Variants in SEMA5A observed in about 807,000 individuals in gnomAD.
The protein encoded by SEMA5A is semaphorin-5A.
A neutral mutation model predicts 135.5 loss-of-function variants in SEMA5A; 55 were observed. That is an observed-to-expected ratio of 0.41 (90% confidence interval 0.33 to 0.51). SEMA5A has a LOEUF of 0.51. Among genes scored for constraint, SEMA5A ranks in the 20% least tolerant of loss-of-function variants. The probability of loss-of-function intolerance (pLI) is 0.37; values close to 1 mark genes in which losing one functional copy is unlikely to be tolerated. For missense variants in SEMA5A, 1,290 were observed against 1,419.9 expected, an observed-to-expected ratio of 0.91 and a Z score of 1.47; for synonymous variants, 580 against 546.5, an observed-to-expected ratio of 1.06 and a Z score of -0.85.
chr5:9,143,172 G>GTT (rs1742158236), intron 12 of SEMA5A, among the ~76,000 whole-genome samples: 1 of 152,100 alleles, frequency 6.6e-6, no homozygotes, highest in Non-Finnish European at 1.5e-5. Flanking sequence ...TATAAAAAAG[G>GTT]TTTTTTTGAG....
chr5:9,483,247 T>C (rs1163318713), intron 1 of SEMA5A, among the ~76,000 whole-genome samples: 1 of 152,182 alleles, frequency 6.6e-6, no homozygotes, highest in East Asian at 1.9e-4. Flanking sequence ...CATTTATCTT[T>C]CCAAGTATCT....
chr5:9,196,817 A>C (rs965050997), intron 10 of SEMA5A, among the ~76,000 whole-genome samples: 1 of 152,156 alleles, frequency 6.6e-6, no homozygotes, highest in South Asian at 2.1e-4. Context: ...GACCCCATTC[A>C]TTAGAATGTC....
At position 9,459,903 on chromosome 5, in the gene SEMA5A, A is replaced by G. The variant is rs534885850; in HGVS notation, c.-174-22051T>C. Among the ~76,000 whole-genome samples, 8 of 152,358 alleles carry G rather than the reference A, an allele frequency of 5.3e-5. No homozygotes were observed. The South Asian group carries it at 1.2e-3, about 24-fold the overall frequency. ...GATTTTATTAAGCTTCTTTTTAATT[A>G]CAGCACAAAATCAGGCATTGCAGAT... On this transcript the variant is annotated intron_variant, in intron 1 of 22. Transcript: ENST00000382496.
chr5:9,064,557 C>G (rs900217478), intron 17 of SEMA5A, among the ~76,000 whole-genome samples: 2 of 151,652 alleles, frequency 1.3e-5, no homozygotes, highest in Non-Finnish European at 2.9e-5. Flanking sequence ...AAAACCCAAA[C>G]ACTGCATGTT....
chr5:9,489,266 AT>A (rs1734883497), intron 1 of SEMA5A, among the ~76,000 whole-genome samples: 5 of 152,004 alleles, frequency 3.3e-5, no homozygotes, highest in African/African-American at 1.2e-4. Context: ...ATATATATAT[AT>A]ATACCTGCTC....
At position 9,154,555 on chromosome 5, in the gene SEMA5A, A is replaced by G. The variant is rs372049311; in HGVS notation, c.1414T>C (p.Phe472Leu). 2 of 1,613,112 alleles carry G rather than the reference A, an allele frequency of 1.2e-6. No individual in the cohort carries two copies. The highest frequency in any genetic ancestry group is 2.2e-5 in the East Asian group (1 of 44,840). ...ACCACGTGCTCCCGCAGGCCCACGA[A>G]CAGGACACTCTGGCTGTGCAGGATC... ...LQILHSQSVL[F>L]VGLREHVVKI... Residue 472 changes from phenylalanine to leucine, a missense_variant, in exon 12 of 23, where the codon TTC becomes CTC. By Grantham distance (22) the Phe-to-Leu change is conservative. This residue lies in a region of SEMA5A where 1,029 missense variants were observed against 1,086.6 expected (regional missense o/e 0.95). Transcript: ENST00000382496.
chr5:9,115,015 C>G (rs1042830488), intron 15 of SEMA5A, among the ~76,000 whole-genome samples: 6 of 152,160 alleles, frequency 3.9e-5, no homozygotes, highest in Non-Finnish European at 7.4e-5. Context: ...AGGGTGTTGT[C>G]TCTCAGCCAT....
chr5:9,237,972 T>G, intron 5 of SEMA5A, 82 bp from the exon 6 acceptor site: 1 of 1,287,670 alleles, frequency 7.8e-7, no homozygotes, highest in Non-Finnish European at 1.1e-6. Context: ...AAGGCACTGG[T>G]AACCAGATTA....
At chr5:9,072,795 G>A (rs376641483) in intron 16 of SEMA5A, among the ~76,000 whole-genome samples, 3 of 152,128 alleles carry the variant, frequency 2.0e-5, no homozygotes, top group Non-Finnish European at 2.9e-5. Flanking sequence ...CAAAAAAATT[G>A]TCTACCAGTT....
At chr5:9,256,406 C>T (rs1490836779) in intron 5 of SEMA5A, among the ~76,000 whole-genome samples, 1 of 152,140 alleles carries the variant, frequency 6.6e-6, no homozygotes, top group Non-Finnish European at 1.5e-5. Flanking sequence ...CTCTTCCAAA[C>T]CTTTGTATTC....
chr5:9,145,801 G>GC (rs1023113975), intron 12 of SEMA5A, among the ~76,000 whole-genome samples: 9 of 96,856 alleles, frequency 9.3e-5, no homozygotes, highest in Non-Finnish European at 1.2e-4. Context: ...ACCACATCCA[G>GC]CTTTTTTTTT....
At chr5:9,214,990 G>C (rs751407142) in intron 8 of SEMA5A, among the ~76,000 whole-genome samples, 1 of 152,180 alleles carries the variant, frequency 6.6e-6, no homozygotes, top group Non-Finnish European at 1.5e-5. Flanking sequence ...AGAGACATAG[G>C]GGCAGGGAGC....
chr5:9,169,702 G>A (rs1743808384), intron 11 of SEMA5A, among the ~76,000 whole-genome samples: 1 of 152,132 alleles, frequency 6.6e-6, no homozygotes, highest in Non-Finnish European at 1.5e-5. Flanking sequence ...GTGGCCTCTA[G>A]TCAGGACTGA....
At chr5:9,105,056 A>G (rs1002917536) in intron 16 of SEMA5A, among the ~76,000 whole-genome samples, 3 of 152,250 alleles carry the variant, frequency 2.0e-5, no homozygotes, top group African/African-American at 7.2e-5. Flanking sequence ...CCCAGAGGGC[A>G]GTGAATGCAT....
chr5:9,192,800 C>T (rs1302595537), intron 10 of SEMA5A, among the ~76,000 whole-genome samples: 2 of 152,162 alleles, frequency 1.3e-5, no homozygotes, highest in South Asian at 2.1e-4. Flanking sequence ...ACCCAAGTCA[C>T]GGCGGCAGTT....
At chr5:9,473,669 A>C (rs769006313) in intron 1 of SEMA5A, among the ~76,000 whole-genome samples, 2 of 152,126 alleles carry the variant, frequency 1.3e-5, no homozygotes, top group Non-Finnish European at 2.9e-5. Context: ...AAGAGAAAGA[A>C]ACAGGCTCAG....
At chr5:9,207,114 A>ATATATATG (rs1554003353) in intron 8 of SEMA5A, among the ~76,000 whole-genome samples, 11 of 132,410 alleles carry the variant, frequency 8.3e-5, no homozygotes, top group African/African-American at 1.4e-4. Context: ...ATATATATAT[A>ATATATATG]TATATATATA....
chr5:9,106,967 C>G (rs906932478), intron 16 of SEMA5A, among the ~76,000 whole-genome samples: 1 of 152,124 alleles, frequency 6.6e-6, no homozygotes, highest in African/African-American at 2.4e-5. Context: ...TAATATCTGA[C>G]AAAGAACCTC....
chr5:9,239,561 G>GT (rs1366520554), intron 5 of SEMA5A, among the ~76,000 whole-genome samples: 1 of 151,938 alleles, frequency 6.6e-6, no homozygotes, highest in African/African-American at 2.4e-5. Context: ...ATATTACTCA[G>GT]TTTTTTTGTA....
Sources: gnomAD v4.1 joint callset for allele counts (sites outside exome capture counted in the v4.1 genomes callset) on GRCh38, gnomAD v4.1.1 for gene constraint, gnomAD v4.1.1 regional missense constraint, MANE v1.5 for transcripts, NCBI Gene and HGNC (gene_info 2026-07-23, HGNC 2026-07-21) for gene names.